SIPA1L1: variants seen among roughly 807,000 people sequenced by gnomAD.
SIPA1L1 encodes signal-induced proliferation-associated 1-like protein 1.
Under a neutral mutation model 162.7 loss-of-function variants are expected in SIPA1L1, and 26 were observed. The observed-to-expected ratio is 0.16, with a 90% CI of 0.12 to 0.22. The LOEUF is 0.22. Among genes scored for constraint, SIPA1L1 ranks in the 10% least tolerant of loss-of-function variants. SIPA1L1 has a pLI of 1.00. For synonymous variants in SIPA1L1, 829 were observed against 837.4 expected (o/e 0.99, Z 0.17); for missense variants, 1,874 against 2,241.0 (o/e 0.84, Z 3.31).
At chr14:71,652,637 T>TC (rs397971394) in intron 8 of SIPA1L1, among the ~76,000 whole-genome samples, 15 of 151,634 alleles carry the variant, frequency 9.9e-5, no homozygotes, top group South Asian at 2.1e-4. Context: ...CTTTTTTTTT[T>TC]CCCCCTAACC....
intron 2 of SIPA1L1, among the ~76,000 whole-genome samples, chr14:71,452,949 A>G (rs2045933084): frequency 6.6e-6 from 1 of 152,180 alleles, no homozygotes; most frequent in African/African-American, 2.4e-5. Flanking sequence ...AAGTTTTTCA[A>G]ATCTCTAGAC....
chr14:71,661,263 G>T (rs759731134), intron 9 of SIPA1L1, 47 bp from the exon 10 acceptor site: 2 of 1,594,506 alleles, frequency 1.3e-6, no homozygotes, highest in Non-Finnish European at 1.7e-6. Flanking sequence ...GGTGGCGGGG[G>T]AAGCAAATGA....
At chr14:71,331,459 C>T (rs996480515) in intron 2 of SIPA1L1, among the ~76,000 whole-genome samples, 4 of 152,176 alleles carry the variant, frequency 2.6e-5, no homozygotes, top group Admixed American at 2.0e-4. Context: ...AATGGCAGAA[C>T]GTATGAGGCT....
intron 22 of SIPA1L1, 65 bp downstream of exon 22, chr14:71,735,456 G>C (rs963642165): frequency 2.6e-6 from 3 of 1,148,070 alleles, no homozygotes; most frequent in Admixed American, 3.5e-5. Context: ...CTGCATCTGT[G>C]GGGAGAAGAG....
chr14:71,727,172 A>G (rs1368051201), intron 19 of SIPA1L1, among the ~76,000 whole-genome samples: 1 of 152,128 alleles, frequency 6.6e-6, no homozygotes, highest in Non-Finnish European at 1.5e-5. Flanking sequence ...GGTGGCATAC[A>G]GTCTGACAAG....
chr14:71,709,129 C>T, intron 16 of SIPA1L1, 93 bp from the exon 17 acceptor site: 1 of 1,085,240 alleles, frequency 9.2e-7, no homozygotes, highest in Non-Finnish European at 1.3e-6. Context: ...CTTCAGAGCC[C>T]TATAACTAGA....
At chr14:71,632,228 C>G (rs192660434) in intron 7 of SIPA1L1, among the ~76,000 whole-genome samples, 1 of 152,084 alleles carries the variant, frequency 6.6e-6, no homozygotes, top group African/African-American at 2.4e-5. Flanking sequence ...GGTTAGGGAC[C>G]TTGAGATCTC....
intron 4 of SIPA1L1, among the ~76,000 whole-genome samples, chr14:71,539,870 T>G (rs2054226784): frequency 6.6e-6 from 1 of 152,210 alleles, no homozygotes; most frequent in Non-Finnish European, 1.5e-5. Flanking sequence ...AATCTATTAC[T>G]GTAGCTAGAA....
At chr14:71,518,089 G>T (rs182467161) in intron 3 of SIPA1L1, among the ~76,000 whole-genome samples, 1 of 152,052 alleles carries the variant, frequency 6.6e-6, no homozygotes. Flanking sequence ...TTAGAGACCA[G>T]CCTGGGCAAC....
At chr14:71,416,642 A>G (rs542066173) in intron 2 of SIPA1L1, among the ~76,000 whole-genome samples, 2 of 151,926 alleles carry the variant, frequency 1.3e-5, no homozygotes, top group African/African-American at 4.8e-5. Context: ...TTCTAAGTGT[A>G]TACTTCCTTC....
intron 20 of SIPA1L1, among the ~76,000 whole-genome samples, chr14:71,731,687 G>A (rs1206785180): frequency 2.0e-5 from 3 of 152,202 alleles, no homozygotes; most frequent in Non-Finnish European, 2.9e-5. Flanking sequence ...CCTACATTCC[G>A]AAAGAACAGC....
chr14:71,341,612 G>A (rs1320351545), intron 2 of SIPA1L1, among the ~76,000 whole-genome samples: 3 of 152,062 alleles, frequency 2.0e-5, no homozygotes, highest in African/African-American at 7.3e-5. Flanking sequence ...CAGGTACTGA[G>A]CATCGTACCC....
intron 4 of SIPA1L1, among the ~76,000 whole-genome samples, chr14:71,578,053 G>A (rs905213744): frequency 6.6e-6 from 1 of 152,028 alleles, no homozygotes; most frequent in African/African-American, 2.4e-5. Context: ...TCGGATTACA[G>A]GCACACGCTA....
chr14:71,399,395 A>G (rs2041483879), intron 2 of SIPA1L1, among the ~76,000 whole-genome samples: 1 of 152,178 alleles, frequency 6.6e-6, no homozygotes, highest in Admixed American at 6.5e-5. Flanking sequence ...AGAGTTAAGA[A>G]TGCACTTTTG....
At chr14:71,654,509 C>T (rs2042896816) in intron 8 of SIPA1L1, among the ~76,000 whole-genome samples, 1 of 152,158 alleles carries the variant, frequency 6.6e-6, no homozygotes, top group African/African-American at 2.4e-5. Context: ...AAAAGCTTTC[C>T]TTCAAAGCCC....
intron 2 of SIPA1L1, among the ~76,000 whole-genome samples, chr14:71,469,928 G>A (rs1194930160): frequency 6.6e-6 from 1 of 152,176 alleles, no homozygotes; most frequent in Non-Finnish European, 1.5e-5. Flanking sequence ...GGGAACTGAA[G>A]GGAGACCTGA....
intron 2 of SIPA1L1, among the ~76,000 whole-genome samples, chr14:71,416,720 TAC>T (rs3085177): frequency 0.049 from 7,184 of 147,760 alleles, 317 homozygotes; most frequent in African/African-American, 0.12. Context: ...AAGAAAAATC[TAC>T]ACACACACAC....
chr14:71,571,317 A>G (rs1310721317), intron 4 of SIPA1L1, among the ~76,000 whole-genome samples: 2 of 152,210 alleles, frequency 1.3e-5, no homozygotes, highest in Non-Finnish European at 2.9e-5. Context: ...TTACAGAATG[A>G]AAGAACAAAG....
intron 7 of SIPA1L1, among the ~76,000 whole-genome samples, chr14:71,639,720 G>T (rs1227018496): frequency 2.0e-5 from 3 of 152,208 alleles, no homozygotes; most frequent in Non-Finnish European, 4.4e-5. Flanking sequence ...TTGCTGGAAA[G>T]ATAGACATGT....
Sources: allele counts gnomAD v4.1 joint callset (sites outside exome capture counted in the v4.1 genomes callset), GRCh38; gene constraint gnomAD v4.1.1; transcripts MANE v1.5; gene names NCBI Gene and HGNC (gene_info 2026-07-23, HGNC 2026-07-21).